FGF14: variants seen among roughly 807,000 people sequenced by gnomAD.
FGF14 encodes the protein fibroblast growth factor 14, also known as fibroblast growth factor homologous factor 4.
FGF14 carries 5 observed loss-of-function variants against 25.5 expected under a neutral mutation model. That is an observed-to-expected ratio of 0.20 (90% CI 0.10 to 0.41). FGF14 has a LOEUF of 0.41. Ranked by LOEUF, FGF14 falls within the 10% of genes least tolerant of loss-of-function variation. FGF14 has a pLI of 1.00. For synonymous variants in FGF14, 138 were observed against 118.3 expected (o/e 1.17, Z -1.08); for missense variants, 222 against 320.1 (o/e 0.69, Z 2.34).
intron 1 of FGF14, among the ~76,000 whole-genome samples, chr13:101,895,199 T>A (rs2030452193): frequency 6.6e-6 from 1 of 152,134 alleles, no homozygotes; most frequent in Non-Finnish European, 1.5e-5. Context: ...CTTACCTAAG[T>A]CATTAAATTC....
intron 1 of FGF14, among the ~76,000 whole-genome samples, chr13:102,369,935 A>G (rs1044513753): frequency 6.6e-6 from 1 of 152,170 alleles, no homozygotes; most frequent in African/African-American, 2.4e-5. Context: ...TTCAAAGTCC[A>G]CAATTTGGTC....
chr13:101,840,277 T>G (rs1177179238), intron 3 of FGF14, among the ~76,000 whole-genome samples: 1 of 151,956 alleles, frequency 6.6e-6, no homozygotes, highest in East Asian at 1.9e-4. Context: ...CAGAAATTAT[T>G]GTGGCCATTT....
chr13:101,845,356 G>C (rs554059054), intron 3 of FGF14, among the ~76,000 whole-genome samples: 2 of 151,948 alleles, frequency 1.3e-5, no homozygotes, highest in Non-Finnish European at 2.9e-5. Flanking sequence ...ATGAAAACTC[G>C]GGGAGCAATT....
chr13:102,238,199 T>C (rs973142050), intron 1 of FGF14, among the ~76,000 whole-genome samples: 1 of 152,164 alleles, frequency 6.6e-6, no homozygotes, highest in Non-Finnish European at 1.5e-5. Flanking sequence ...AGAAAGGATT[T>C]AACAAGAATA....
At chr13:101,880,145 G>A (rs377553029) in intron 1 of FGF14, among the ~76,000 whole-genome samples, 1 of 152,088 alleles carries the variant, frequency 6.6e-6, no homozygotes, top group Non-Finnish European at 1.5e-5. Flanking sequence ...CCCAACTCAC[G>A]GTCCCATTCC....
chr13:102,182,609 T>C (rs2048722336), intron 1 of FGF14, among the ~76,000 whole-genome samples: 1 of 152,208 alleles, frequency 6.6e-6, no homozygotes, highest in African/African-American at 2.4e-5. Flanking sequence ...ACCTACATAA[T>C]GTATTTGATT....
In FGF14 at chr13:102,374,642, TTTTATA is replaced by T. The variant is rs1162247864; in HGVS notation, c.208+26823_208+26828del. ...TATTTTTTAATACATATCTTACATATTTTATATATATATATATATATATATATATAT... is the reference window on the plus strand; with the variant it reads ...TATTTTTTAATACATATCTTACATATTATATATATATATATATATATATAT... On this transcript the variant is annotated intron_variant, in intron 1 of 4. Transcript: ENST00000376131. 1.9e-3 allele frequency among the ~76,000 whole-genome samples: 181 copies of T among 95,642 alleles called. 2 individuals carry two copies. The highest frequency in any genetic ancestry group is 0.011 in the Admixed American group (79 of 7,374). 62.7% of individuals were successfully genotyped at this position (95,642 alleles called of 152,430 possible).
At chr13:102,129,417 T>G (rs17588762) in intron 1 of FGF14, among the ~76,000 whole-genome samples, 1 of 152,112 alleles carries the variant, frequency 6.6e-6, no homozygotes, top group Admixed American at 6.5e-5. Context: ...TTCCACAGAG[T>G]GGACGAGCGT....
At chr13:101,934,376 C>T (rs1041958137) in intron 1 of FGF14, among the ~76,000 whole-genome samples, 2 of 152,204 alleles carry the variant, frequency 1.3e-5, no homozygotes, top group East Asian at 1.9e-4. Flanking sequence ...AGAGCACAAT[C>T]GTGATTCCAT....
chr13:102,093,046 T>A (rs887497462), intron 1 of FGF14, among the ~76,000 whole-genome samples: 17 of 152,280 alleles, frequency 1.1e-4, no homozygotes, highest in South Asian at 1.0e-3. Context: ...GACACATATA[T>A]ATACAGACAA....
At position 102,328,932 on chromosome 13, in the gene FGF14, C is replaced by G. The variant is rs184873286; in HGVS notation, c.208+72539G>C. On this transcript the variant is annotated intron_variant, in intron 1 of 4. Coordinates refer to the FGF14 transcript ENST00000376131. ...TCCATTCTCCTCTCCCCTTATCACA[C>G]CAAGCCTCACCACCATAATGTCCCT... Among the ~76,000 whole-genome samples, 243 of 152,232 alleles carry G rather than the reference C, an allele frequency of 1.6e-3. 1 individual carries two copies. The highest frequency in any genetic ancestry group is 5.5e-3 in the African/African-American group (228 of 41,542).
intron 1 of FGF14, among the ~76,000 whole-genome samples, chr13:102,074,554 T>C (rs368651909): frequency 4.5e-4 from 68 of 152,316 alleles, no homozygotes; most frequent in African/African-American, 1.6e-3. Context: ...TCACAAAATA[T>C]TGAAGTAAAG....
chr13:102,014,380 T>C (rs1269302718), intron 1 of FGF14, among the ~76,000 whole-genome samples: 4 of 152,162 alleles, frequency 2.6e-5, no homozygotes, highest in Admixed American at 6.5e-5. Context: ...TATGTATAGA[T>C]TGACCAGAAC....
At chr13:101,870,870 T>C (rs979384122) in intron 2 of FGF14, among the ~76,000 whole-genome samples, 1 of 152,084 alleles carries the variant, frequency 6.6e-6, no homozygotes, top group Non-Finnish European at 1.5e-5. Context: ...GGAGAATTGC[T>C]TGAACCTGGG....
chr13:101,880,366 G>A (rs866270493), intron 1 of FGF14, among the ~76,000 whole-genome samples: 1 of 152,042 alleles, frequency 6.6e-6, no homozygotes, highest in Non-Finnish European at 1.5e-5. Flanking sequence ...TCAGGAGTTC[G>A]AGACCAGCCT....
In FGF14 at chr13:101,715,683, A is replaced by G; in HGVS notation, c.*7148T>C. On this transcript the variant is annotated 3_prime_UTR_variant, in exon 5 of 5. Transcript: ENST00000376143. ...TTACATGAGAGAGGTCTGGATTCTT[A>G]TTTTTTCTGGGCCATTAGAACAGAT... 6.8e-7 allele frequency: 1 copy of G among 1,464,502 alleles called. No individual in the cohort carries two copies. Among genetic ancestry groups the G allele is most frequent in the Non-Finnish European group, 9.6e-7 (1 of 1,043,726 alleles). 90.7% of individuals were successfully genotyped at this position (1,464,502 alleles called of 1,614,324 possible).
chr13:102,167,588 A>G (rs1042908034), intron 1 of FGF14, among the ~76,000 whole-genome samples: 1 of 152,126 alleles, frequency 6.6e-6, no homozygotes, highest in Admixed American at 6.6e-5. Flanking sequence ...CTGTGTCTCT[A>G]TGTGAATCAT....
At chr13:102,235,741 G>A (rs2051299357) in intron 1 of FGF14, among the ~76,000 whole-genome samples, 1 of 152,144 alleles carries the variant, frequency 6.6e-6, no homozygotes, top group South Asian at 2.1e-4. Flanking sequence ...AAAACTTTGG[G>A]ATTGTCAGAG....
intron 3 of FGF14, among the ~76,000 whole-genome samples, chr13:101,743,937 T>A (rs1334367052): frequency 6.6e-6 from 1 of 152,122 alleles, no homozygotes; most frequent in African/African-American, 2.4e-5. Flanking sequence ...ACAAATATAC[T>A]GCACATGTTT....
Sources: allele counts gnomAD v4.1 joint callset (sites outside exome capture counted in the v4.1 genomes callset), GRCh38; gene constraint gnomAD v4.1.1; transcripts MANE v1.5; gene names NCBI Gene and HGNC (gene_info 2026-07-23, HGNC 2026-07-21).